Variants in TMCC1 observed in about 807,000 individuals in gnomAD.
TMCC1 encodes transmembrane and coiled-coil domain family 1.
A neutral mutation model predicts 52.4 loss-of-function variants in TMCC1; 15 were observed. The observed-to-expected ratio is 0.29, with a 90% CI of 0.19 to 0.44. The LOEUF (loss-of-function observed/expected upper bound fraction) is 0.44. Ranked by LOEUF, TMCC1 falls within the 20% of genes least tolerant of loss-of-function variation. TMCC1 has a pLI of 1.00. For synonymous variants in TMCC1, 279 were observed against 301.9 expected (o/e 0.92, Z 0.79); for missense variants, 503 against 806.0 (o/e 0.62, Z 4.55).
At chr3:129,741,065 ATCCTATTCCCTT>A (rs776023413) in intron 4 of TMCC1, among the ~76,000 whole-genome samples, 7 of 152,132 alleles carry the variant, frequency 4.6e-5, no homozygotes, top group Non-Finnish European at 1.0e-4. Flanking sequence ...CATTGCTAGT[ATCCTATTCCCTT>A]TCCATACCCA....
intron 4 of TMCC1, among the ~76,000 whole-genome samples, chr3:129,718,950 C>A (rs2049337416): frequency 6.6e-6 from 1 of 152,144 alleles, no homozygotes; most frequent in African/African-American, 2.4e-5. Context: ...GAGGGTCCAG[C>A]ACCCCTAATC....
intron 2 of TMCC1, among the ~76,000 whole-genome samples, chr3:129,879,547 T>C (rs755338803): frequency 6.6e-6 from 1 of 152,224 alleles, no homozygotes; most frequent in Admixed American, 6.5e-5. Context: ...GATAAAAATC[T>C]TTCATGCAAA....
chr3:129,854,398 G>GA (rs71155578), intron 2 of TMCC1, among the ~76,000 whole-genome samples: 130,904 of 146,768 alleles, frequency 0.89, 58,464 homozygotes, highest in Non-Finnish European at 0.91. Flanking sequence ...AAAAAAAAAA[G>GA]AAAAAAAAAA....
chr3:129,786,966 C>T (rs79535177), intron 4 of TMCC1, among the ~76,000 whole-genome samples: 4 of 152,228 alleles, frequency 2.6e-5, no homozygotes, highest in East Asian at 3.9e-4. Context: ...AAGTCTAAGC[C>T]CATTCATTAA....
At position 129,842,477 on chromosome 3, in the gene TMCC1, A is replaced by ACACAC. The variant is rs1560529071; in HGVS notation, c.-183-9652_-183-9651insGTGTG. 1.2e-3 allele frequency among the ~76,000 whole-genome samples: 171 copies of ACACAC among 147,744 alleles called. 1 individual carries two copies. The highest frequency in any genetic ancestry group is 4.2e-3 in the African/African-American group (169 of 40,424). On this transcript the variant is annotated intron_variant, in intron 2 of 6. Transcript: ENST00000393238. ...CGAGACTTTGTCTAAAAAAAAACAA[A>ACACAC]ACACACACACACACACACACACACA...
At chr3:129,839,519 C>T (rs1258421814) in intron 2 of TMCC1, among the ~76,000 whole-genome samples, 2 of 152,110 alleles carry the variant, frequency 1.3e-5, no homozygotes, top group African/African-American at 4.8e-5. Context: ...ACTCAGGAGG[C>T]TGAGGCAGCA....
At chr3:129,871,670 C>G (rs1435388985) in intron 2 of TMCC1, among the ~76,000 whole-genome samples, 1 of 151,880 alleles carries the variant, frequency 6.6e-6, no homozygotes, top group Non-Finnish European at 1.5e-5. Context: ...ATTTGCAACA[C>G]ATAAGCTAAT....
At chr3:129,806,547 A>G (rs1013839416) in intron 4 of TMCC1, among the ~76,000 whole-genome samples, 1 of 152,234 alleles carries the variant, frequency 6.6e-6, no homozygotes, top group Admixed American at 6.5e-5. Context: ...CTGTCCTCAC[A>G]GGGTTTCCCA....
chr3:129,756,297 T>C (rs1197589825), intron 4 of TMCC1, among the ~76,000 whole-genome samples: 2 of 152,172 alleles, frequency 1.3e-5, no homozygotes, highest in East Asian at 1.9e-4. Flanking sequence ...CAAGATATCC[T>C]TGAATGACAG....
intron 3 of TMCC1, among the ~76,000 whole-genome samples, chr3:129,832,193 C>T (rs755996291): frequency 1.3e-5 from 2 of 152,088 alleles, no homozygotes; most frequent in Non-Finnish European, 2.9e-5. Context: ...TTAACACAAA[C>T]GAGTTTAACT....
intron 4 of TMCC1, among the ~76,000 whole-genome samples, chr3:129,675,074 C>T (rs2088294368): frequency 6.6e-6 from 1 of 152,156 alleles, no homozygotes; most frequent in African/African-American, 2.4e-5. Context: ...TCCTGACCCC[C>T]AGTGATCTGC....
intron 4 of TMCC1, among the ~76,000 whole-genome samples, chr3:129,687,076 C>G (rs1410427908): frequency 1.3e-5 from 2 of 151,960 alleles, no homozygotes; most frequent in African/African-American, 2.4e-5. Context: ...AGGAAAAGGT[C>G]AGTAAACAGG....
Position 129,880,437 on chromosome 3 carries a change from G to T in TMCC1, c.-312C>A, listed in dbSNP as rs921498021. ...AAACAGAAGATCCATATGAAAAAGAGATCCAATCTGGGAGGATGGACACTG... is the reference window on the plus strand; with the variant it reads ...AAACAGAAGATCCATATGAAAAAGATATCCAATCTGGGAGGATGGACACTG... On this transcript the variant is annotated 5_prime_UTR_variant, in exon 2 of 7. Transcript: ENST00000393238. The T allele has an allele frequency of 6.6e-6, 1 of 152,176 alleles. No homozygotes were observed. The highest frequency in any genetic ancestry group is 1.5e-5 in the Non-Finnish European group (1 of 68,030). 9.4% of individuals were successfully genotyped at this position (152,176 alleles called of 1,614,324 possible).
chr3:129,766,909 G>A (rs1273641650), intron 4 of TMCC1, among the ~76,000 whole-genome samples: 2 of 151,796 alleles, frequency 1.3e-5, no homozygotes, highest in African/African-American at 4.8e-5. Context: ...GTGAGCCACC[G>A]TGCCCAGCGC....
intron 2 of TMCC1, among the ~76,000 whole-genome samples, chr3:129,860,676 T>G (rs191664073): frequency 2.2e-4 from 33 of 152,120 alleles, no homozygotes; most frequent in Non-Finnish European, 4.6e-4. Flanking sequence ...CTCAGCTCAC[T>G]GCTACCTCTG....
chr3:129,709,367 T>C lies in TMCC1; in HGVS notation c.577-38103A>G, dbSNP rs550564992. 2.7e-5 allele frequency among the ~76,000 whole-genome samples: 4 copies of C among 148,888 alleles called. No homozygotes were observed. The South Asian group carries it at 6.5e-4, about 24-fold the overall frequency. ...CTTGTATGCCTACAGTCCCACCTAC[T>C]TGGGAGGCTGAGGTGGGAGGATCAC... is the stretch of plus-strand genomic sequence containing the variant. On this transcript the variant is annotated intron_variant, in intron 4 of 6. Coordinates refer to ENST00000393238, the MANE Select transcript of TMCC1 (RefSeq NM_001017395.5).
intron 4 of TMCC1, among the ~76,000 whole-genome samples, chr3:129,790,012 T>C (rs2107746378): frequency 6.6e-6 from 1 of 152,330 alleles, no homozygotes; most frequent in East Asian, 1.9e-4. Context: ...GGTAGGATTT[T>C]TACCTTCATG....
intron 4 of TMCC1, among the ~76,000 whole-genome samples, chr3:129,805,753 C>T (rs979280989): frequency 3.3e-5 from 5 of 151,500 alleles, no homozygotes; most frequent in African/African-American, 4.9e-5. Flanking sequence ...GGCCACATAG[C>T]GAGACTCCAT....
chr3:129,816,642 G>C (rs1018849629), intron 4 of TMCC1, among the ~76,000 whole-genome samples: 1 of 152,118 alleles, frequency 6.6e-6, no homozygotes. Flanking sequence ...AACGGGGTCT[G>C]ATAGAAGAAA....
Sources: allele counts gnomAD v4.1 joint callset (sites outside exome capture counted in the v4.1 genomes callset), GRCh38; gene constraint gnomAD v4.1.1; transcripts MANE v1.5; gene names NCBI Gene and HGNC (gene_info 2026-07-23, HGNC 2026-07-21).